XRCC4: variants seen among roughly 807,000 people sequenced by gnomAD.
The protein encoded by XRCC4 is X-ray repair cross complementing 4.
In XRCC4, 28 loss-of-function variants were observed where a neutral mutation model predicts 39.1. The ratio of observed to expected loss-of-function variants is 0.72; its 90% confidence interval spans 0.53 to 0.98. The LOEUF is 0.98. Ranked by LOEUF, XRCC4 falls within the 50% of genes least tolerant of loss-of-function variation. The probability of loss-of-function intolerance (pLI) is 0.00; values close to 1 mark genes in which losing one functional copy is unlikely to be tolerated. For missense variants in XRCC4, 350 were observed against 376.4 expected (o/e 0.93, Z 0.58); for synonymous variants, 123 against 126.4 (o/e 0.97, Z 0.18).
At chr5:83,328,504 A>T (rs888408106) in intron 7 of XRCC4, among the ~76,000 whole-genome samples, 5 of 152,174 alleles carry the variant, frequency 3.3e-5, no homozygotes, top group African/African-American at 1.2e-4. Context: ...CAAAATATAC[A>T]AGGATTAAAT....
chr5:83,080,525 CAA>C (rs33921507), intron 1 of XRCC4, among the ~76,000 whole-genome samples: 62,596 of 128,134 alleles, frequency 0.49, 13,491 homozygotes, highest in South Asian at 0.57. Flanking sequence ...GACTCCATCT[CAA>C]AAAAAAAAAA....
At chr5:83,181,611 T>G (rs1750209982) in intron 3 of XRCC4, among the ~76,000 whole-genome samples, 1 of 152,194 alleles carries the variant, frequency 6.6e-6, no homozygotes, top group African/African-American at 2.4e-5. Flanking sequence ...ATCAGGAAAC[T>G]AAACCAGAGT....
intron 3 of XRCC4, among the ~76,000 whole-genome samples, chr5:83,115,286 G>T (rs1746656036): frequency 1.3e-5 from 2 of 152,148 alleles, no homozygotes; most frequent in Admixed American, 1.3e-4. Flanking sequence ...AATTAGCTGT[G>T]CATGGTGGCG....
At chr5:83,181,305 T>C (rs1750195848) in intron 3 of XRCC4, among the ~76,000 whole-genome samples, 1 of 152,094 alleles carries the variant, frequency 6.6e-6, no homozygotes, top group African/African-American at 2.4e-5. Flanking sequence ...TTAAATATTA[T>C]CAACATTAGA....
intron 7 of XRCC4, among the ~76,000 whole-genome samples, chr5:83,312,369 C>A (rs566761696): frequency 1.6e-4 from 24 of 152,184 alleles, no homozygotes; most frequent in African/African-American, 5.1e-4. Flanking sequence ...GTTATTAGAC[C>A]ACTCTAGGCA....
chr5:83,333,893 C>A lies in XRCC4; in HGVS notation c.894-19238C>A, dbSNP rs547481028. ...CAAGCGATTCCCCTGCCTCAGCCTT[C>A]CAAGTATCGGGGATTACAGGTGTGC... is the stretch of plus-strand genomic sequence containing the variant. On this transcript the variant is annotated intron_variant, in intron 7 of 7. Coordinates refer to ENST00000396027, the MANE Select transcript of XRCC4 (RefSeq NM_003401.5). Among the ~76,000 whole-genome samples the A allele has an allele frequency of 6.6e-5, 10 of 151,990 alleles. No homozygotes were observed. In the East Asian group the frequency reaches 1.5e-3, roughly 24 times the overall value.
chr5:83,214,792 G>A (rs544299980), intron 6 of XRCC4, among the ~76,000 whole-genome samples: 21 of 149,388 alleles, frequency 1.4e-4, no homozygotes, highest in Non-Finnish European at 2.7e-4. Context: ...AGCCGAGATC[G>A]CGCCACTGCA....
At chr5:83,152,249 G>T (rs1397329204) in intron 3 of XRCC4, among the ~76,000 whole-genome samples, 1 of 152,186 alleles carries the variant, frequency 6.6e-6, no homozygotes, top group Non-Finnish European at 1.5e-5. Flanking sequence ...TTTTAAATTA[G>T]TGTTTAAGGT....
chr5:83,360,393 GT>G, the XRCC4 span, among the ~76,000 whole-genome samples: 1 of 152,086 alleles, frequency 6.6e-6, no homozygotes, highest in Non-Finnish European at 1.5e-5. Flanking sequence ...GAAACAACCT[GT>G]TTCTGTCTGC....
At chr5:83,130,876 C>T (rs1187168463) in intron 3 of XRCC4, among the ~76,000 whole-genome samples, 1 of 152,036 alleles carries the variant, frequency 6.6e-6, no homozygotes, top group Non-Finnish European at 1.5e-5. Flanking sequence ...CTTTATTAGT[C>T]TTGCTAGTGG....
At chr5:83,300,174 T>G (rs1434228056) in intron 7 of XRCC4, among the ~76,000 whole-genome samples, 1 of 152,208 alleles carries the variant, frequency 6.6e-6, no homozygotes, top group Admixed American at 6.5e-5. Flanking sequence ...GGTTACAAAG[T>G]GAGTCAGTAG....
the XRCC4 span, among the ~76,000 whole-genome samples, chr5:83,372,001 C>G: frequency 1.3e-5 from 2 of 152,174 alleles, no homozygotes; most frequent in Non-Finnish European, 2.9e-5. Context: ...CTTTGTGCAG[C>G]AAGTAATAAC....
Position 83,258,637 on chromosome 5 carries a change from A to C in XRCC4, c.853A>C (p.Lys285Gln). 6.2e-7 allele frequency: 1 copy of C among 1,612,212 alleles called. No individual in the cohort carries two copies. The highest frequency in any genetic ancestry group is 8.5e-7 in the Non-Finnish European group (1 of 1,179,230). ...RMQRNLGTEPKMAPQENQLQE... is the reference protein window; with the variant it reads ...RMQRNLGTEPQMAPQENQLQE... Reference sequence around the variant, plus strand: ...GCAAAGAAATCTTGGGACAGAACCTAAAATGGCTCCTCAGGAGAATCAGCT... The same window carrying C: ...GCAAAGAAATCTTGGGACAGAACCTCAAATGGCTCCTCAGGAGAATCAGCT... Residue 285 changes from lysine (K) to glutamine (Q), a missense_variant, in exon 7 of 8, where the codon AAA (lysine) becomes CAA (glutamine). Lys to Gln is a moderately conservative substitution (Grantham distance 53). Coordinates refer to ENST00000396027, the MANE Select transcript of XRCC4 (RefSeq NM_003401.5).
intron 6 of XRCC4, among the ~76,000 whole-genome samples, chr5:83,211,831 C>T (rs1580376625): frequency 6.6e-6 from 1 of 152,144 alleles, no homozygotes; most frequent in East Asian, 1.9e-4. Context: ...ACATTTACCA[C>T]AGGTAAGTTA....
intron 6 of XRCC4, among the ~76,000 whole-genome samples, chr5:83,241,955 AGAGGAG>A (rs144761951): frequency 0.062 from 9,167 of 148,538 alleles, 889 homozygotes; most frequent in East Asian, 0.48. Context: ...AGGAGGAGGA[AGAGGAG>A]GAGGAGGAGG....
chr5:83,116,359 G>A lies in XRCC4; in HGVS notation c.315+5156G>A, dbSNP rs536128349. On this transcript the variant is annotated intron_variant, in intron 3 of 7. Coordinates refer to ENST00000396027, the MANE Select transcript of XRCC4 (RefSeq NM_003401.5). The stretch of plus-strand genomic sequence containing the variant: ...TGCTCCCAGATGCATACCTCTGGGA[G>A]TCAGGGTTTTAGGCATTTATTGCCA... 5.9e-5 allele frequency among the ~76,000 whole-genome samples: 9 copies of A among 152,234 alleles called. No homozygotes were observed. The South Asian group carries it at 1.9e-3, about 32-fold the overall frequency.
At chr5:83,128,733 A>G (rs997193975) in intron 3 of XRCC4, among the ~76,000 whole-genome samples, 2 of 152,170 alleles carry the variant, frequency 1.3e-5, no homozygotes, top group African/African-American at 4.8e-5. Context: ...AGTGATGATG[A>G]GCATTTTTTC....
the XRCC4 span, among the ~76,000 whole-genome samples, chr5:83,371,021 T>TA: frequency 6.6e-6 from 1 of 152,194 alleles, no homozygotes; most frequent in African/African-American, 2.4e-5. Context: ...GGTGCCTCCT[T>TA]ACTCCAGTGA....
rs1750470526 is a variant in XRCC4, at chr5:83,186,940, CA to C, written c.316-8829del. Reference sequence around the variant, plus strand: ...TTTTTGGCTCATGGCCTGCTTCTTCCATTTTTTTTTTTTTTTTTTTTGAGAC... The same window carrying C: ...TTTTTGGCTCATGGCCTGCTTCTTCCTTTTTTTTTTTTTTTTTTTTGAGAC... On this transcript the variant is annotated intron_variant, in intron 3 of 7. Transcript: ENST00000396027. Among the ~76,000 whole-genome samples, 3 of 96,828 alleles carry C rather than the reference CA, an allele frequency of 3.1e-5. 1 individual carries two copies. Among genetic ancestry groups the C allele is most frequent in the East Asian group, 5.9e-4 (2 of 3,410 alleles). 63.5% of individuals were successfully genotyped at this position (96,828 alleles called of 152,430 possible). A position where few individuals can be genotyped will look rare whatever the true frequency, so the allele number is the denominator to read the frequency against.
Sources: gnomAD v4.1 joint callset for allele counts (sites outside exome capture counted in the v4.1 genomes callset) on GRCh38, gnomAD v4.1.1 for gene constraint, MANE v1.5 for transcripts, NCBI Gene and HGNC (gene_info 2026-07-23, HGNC 2026-07-21) for gene names.